SLC4A10: variants seen among roughly 807,000 people sequenced by gnomAD.
SLC4A10 encodes the protein solute carrier family 4 member 10.
A neutral mutation model predicts 137.7 loss-of-function variants in SLC4A10; 42 were observed. The ratio of observed to expected loss-of-function variants is 0.30; its 90% CI spans 0.24 to 0.39. The LOEUF (loss-of-function observed/expected upper bound fraction) is 0.39. SLC4A10 is among the 10% of genes least tolerant of loss of function. The probability of loss-of-function intolerance (pLI) is 1.00; values close to 1 mark genes in which losing one functional copy is unlikely to be tolerated. For missense variants in SLC4A10, 925 were observed against 1,355.0 expected, an observed-to-expected ratio of 0.68 and a Z score of 4.98; for synonymous variants, 474 against 464.1, an observed-to-expected ratio of 1.02 and a Z score of -0.27.
chr2:161,748,617 T>C (rs1574739959), intron 1 of SLC4A10, among the ~76,000 whole-genome samples: 1 of 152,144 alleles, frequency 6.6e-6, no homozygotes, highest in Non-Finnish European at 1.5e-5. Flanking sequence ...TTCTGGACTT[T>C]ACACTCTGTT....
intron 2 of SLC4A10, among the ~76,000 whole-genome samples, chr2:161,786,902 CAT>C (rs1342514050): frequency 4.6e-5 from 7 of 151,438 alleles, no homozygotes; most frequent in African/African-American, 1.7e-4. Context: ...TTGTCCCAAT[CAT>C]AGTATTGTTA....
intron 1 of SLC4A10, among the ~76,000 whole-genome samples, chr2:161,729,520 T>A (rs567967295): frequency 1.1e-4 from 17 of 152,082 alleles, no homozygotes; most frequent in South Asian, 2.1e-4. Context: ...AAGTTTTTTT[T>A]AAAAAAAATT....
At chr2:161,903,949 A>G (rs1237554212) in intron 12 of SLC4A10, 55 bp from the exon 13 acceptor site, 9 of 1,492,472 alleles carry the variant, frequency 6.0e-6, no homozygotes, top group Non-Finnish European at 8.1e-6. Flanking sequence ...GAGCATTTTG[A>G]CTTGTGTGTT....
At chr2:161,913,950 C>A (rs1686491022) in intron 15 of SLC4A10, among the ~76,000 whole-genome samples, 1 of 152,136 alleles carries the variant, frequency 6.6e-6, no homozygotes, top group Non-Finnish European at 1.5e-5. Flanking sequence ...GTCATTCATT[C>A]ATCTCTACTC....
At chr2:161,692,257 A>G (rs1287577703) in intron 1 of SLC4A10, among the ~76,000 whole-genome samples, 1 of 152,080 alleles carries the variant, frequency 6.6e-6, no homozygotes, top group Non-Finnish European at 1.5e-5. Context: ...AAAAATTTTT[A>G]TGTAGATATA....
intron 23 of SLC4A10, among the ~76,000 whole-genome samples, chr2:161,966,881 C>T (rs747401686): frequency 9.9e-5 from 15 of 152,054 alleles, no homozygotes; most frequent in Admixed American, 2.6e-4. Context: ...TTAAATAAAA[C>T]GGACACTAGA....
At chr2:161,785,780 A>G (rs1261132547) in intron 2 of SLC4A10, among the ~76,000 whole-genome samples, 1 of 151,976 alleles carries the variant, frequency 6.6e-6, no homozygotes, top group African/African-American at 2.4e-5. Context: ...GTTCAGGAAC[A>G]AGGCAAGGAT....
At chr2:161,909,340 C>T (rs1559513409) in intron 15 of SLC4A10, among the ~76,000 whole-genome samples, 2 of 152,244 alleles carry the variant, frequency 1.3e-5, no homozygotes, top group East Asian at 3.9e-4. Context: ...TTTAAGTTTT[C>T]CTTGGATCAA....
intron 12 of SLC4A10, chr2:161,902,162 T>G: frequency 2.2e-6 from 1 of 444,474 alleles, no homozygotes; most frequent in Non-Finnish European, 4.5e-6. Flanking sequence ...TGCACTGTTC[T>G]CTGTAATGAA....
chr2:161,897,152 A>T (rs567556298), intron 11 of SLC4A10, among the ~76,000 whole-genome samples: 21 of 152,142 alleles, frequency 1.4e-4, no homozygotes, highest in Non-Finnish European at 2.4e-4. Flanking sequence ...TTGTTTATGA[A>T]CATCTAATGT....
intron 5 of SLC4A10, among the ~76,000 whole-genome samples, chr2:161,861,977 C>T (rs146383194): frequency 5.9e-5 from 9 of 152,252 alleles, no homozygotes; most frequent in Non-Finnish European, 1.2e-4. Flanking sequence ...TTGTAATCTG[C>T]TTTACATAAG....
intron 1 of SLC4A10, among the ~76,000 whole-genome samples, chr2:161,755,771 ATTTTTT>A (rs368478470): frequency 2.1e-5 from 3 of 140,384 alleles, no homozygotes; most frequent in Non-Finnish European, 4.7e-5. Context: ...CGTTCCTTAA[ATTTTTT>A]TTTTTTTTTT....
chr2:161,766,955 A>C (rs953935701), intron 1 of SLC4A10, among the ~76,000 whole-genome samples: 1 of 150,916 alleles, frequency 6.6e-6, no homozygotes, highest in African/African-American at 2.4e-5. Context: ...TCTTTCCACT[A>C]TGTATTTTGC....
Position 161,836,597 on chromosome 2 carries a change from AAAGGAAGG to A in SLC4A10, c.278-3185_278-3178del, listed in dbSNP as rs200279129. 6.5e-4 allele frequency among the ~76,000 whole-genome samples: 19 copies of A among 29,220 alleles called. 1 individual carries two copies. The highest frequency in any genetic ancestry group is 2.9e-3 in the East Asian group (1 of 346). 19.2% of individuals were successfully genotyped at this position (29,220 alleles called of 152,430 possible). ...GAAAGAAAGAAAGAAAGAAAGAAAG[AAAGGAAGG>A]AAGGAAAGAAATGAAAGAAAAGAAA... On this transcript the variant is annotated intron_variant, in intron 3 of 26. Coordinates refer to ENST00000446997, the MANE Select transcript of SLC4A10 (RefSeq NM_001178015.2).
rs1375456991 is a variant in SLC4A10 at position 161,786,623 on chromosome 2, G to A, written c.130+15569G>A. Reference sequence around the variant, plus strand: ...AGTTTATGCTTTATGACATAAAAGAGTATACTCATTTCTGTTCAAAGTTAA... The same window carrying A: ...AGTTTATGCTTTATGACATAAAAGAATATACTCATTTCTGTTCAAAGTTAA... On this transcript the variant is annotated intron_variant, in intron 2 of 26. Transcript: ENST00000446997. Among the ~76,000 whole-genome samples, 11 of 149,954 alleles carry A rather than the reference G, an allele frequency of 7.3e-5. No individual in the cohort carries two copies. In the East Asian group the frequency reaches 1.4e-3, roughly 19 times the overall value.
chr2:161,863,197 A>G, intron 6 of SLC4A10, 135 bp downstream of exon 6: 3 of 812,700 alleles, frequency 3.7e-6, no homozygotes, highest in South Asian at 5.6e-5. Flanking sequence ...TTCTTTTCAC[A>G]TGAGTATATA....
At chr2:161,751,830 A>G (rs1017813008) in intron 1 of SLC4A10, among the ~76,000 whole-genome samples, 2 of 151,960 alleles carry the variant, frequency 1.3e-5, no homozygotes, top group African/African-American at 4.8e-5. Context: ...AAAAGAACAG[A>G]TCTTCCAAGT....
At chr2:161,792,808 A>G (rs925839774) in intron 2 of SLC4A10, among the ~76,000 whole-genome samples, 3 of 152,176 alleles carry the variant, frequency 2.0e-5, no homozygotes, top group South Asian at 4.1e-4. Flanking sequence ...TCATTCTCCA[A>G]GGAGGTTTAG....
chr2:161,810,500 G>A (rs950107559), intron 3 of SLC4A10, among the ~76,000 whole-genome samples: 1 of 152,088 alleles, frequency 6.6e-6, no homozygotes, highest in Non-Finnish European at 1.5e-5. Flanking sequence ...TTAGCTGTGT[G>A]TTTTTCATAG....
Sources: allele counts gnomAD v4.1 joint callset (sites outside exome capture counted in the v4.1 genomes callset), GRCh38; gene constraint gnomAD v4.1.1; transcripts MANE v1.5; gene names NCBI Gene and HGNC (gene_info 2026-07-23, HGNC 2026-07-21).